PON3: variants seen among roughly 807,000 people sequenced by gnomAD.
PON3 encodes serum paraoxonase/lactonase 3.
PON3 carries 37 observed loss-of-function variants against 36.3 expected under a neutral mutation model. The observed-to-expected ratio is 1.02, with a 90% CI of 0.78 to 1.34. PON3 has a LOEUF of 1.34. Ranked by LOEUF, PON3 falls within the 40% of genes most tolerant of loss-of-function variation. The pLI, the probability that PON3 is intolerant of heterozygous loss-of-function variation, is 0.00. For missense variants in PON3, 415 were observed against 426.5 expected, an observed-to-expected ratio of 0.97 and a Z score of 0.24; for synonymous variants, 155 against 154.8, an observed-to-expected ratio of 1.00 and a Z score of -0.01.
intron 3 of PON3, among the ~76,000 whole-genome samples, chr7:95,380,655 A>G (rs944861629): frequency 2.6e-5 from 4 of 152,214 alleles, no homozygotes; most frequent in African/African-American, 9.6e-5. Flanking sequence ...TTAGAGCAAA[A>G]AGAATAAAAA....
At chr7:95,388,091 G>A (rs999974607) in intron 3 of PON3, among the ~76,000 whole-genome samples, 1 of 148,270 alleles carries the variant, frequency 6.7e-6, no homozygotes, top group African/African-American at 2.5e-5. Context: ...TTCACAAATG[G>A]GATCTAATTA....
At chr7:95,383,247 T>C (rs1809103836) in intron 3 of PON3, among the ~76,000 whole-genome samples, 1 of 152,190 alleles carries the variant, frequency 6.6e-6, no homozygotes, top group Admixed American at 6.5e-5. Context: ...GCCAATATCA[T>C]ACTGAATGGG....
In PON3 at chr7:95,390,089, C is replaced by A. The variant is rs538846639; in HGVS notation, c.201+65G>T. 5.4e-6 allele frequency: 8 copies of A among 1,472,316 alleles called. No individual in the cohort carries two copies. The Admixed American group carries it at 6.7e-5, about 12-fold the overall frequency. The allele number at this position is 1,472,316 out of a possible 1,614,324, so 91.2% of individuals were successfully genotyped here. On this transcript the variant is annotated intron_variant, in intron 3 of 8. Coordinates refer to ENST00000265627, the MANE Select transcript of PON3 (RefSeq NM_000940.3). Reference sequence around the variant, plus strand: ...GGATCCATCTGGCAGCTCCAGAGGACAACATTAATGCACTGTCTATACAGC... The same window carrying A: ...GGATCCATCTGGCAGCTCCAGAGGAAAACATTAATGCACTGTCTATACAGC...
intron 6 of PON3, 39 bp downstream of exon 6, chr7:95,363,824 T>G (rs1302507640): frequency 6.3e-7 from 1 of 1,582,582 alleles, no homozygotes; most frequent in African/African-American, 1.3e-5. Flanking sequence ...CACGAAAATG[T>G]CAAGGGCAAA....
In PON3 at chr7:95,372,159, C is replaced by T. The variant is rs751565421; in HGVS notation, c.367+14G>A. The T allele has an allele frequency of 3.7e-6, 6 of 1,610,842 alleles. No homozygotes were observed. Among genetic ancestry groups the T allele is most frequent in the Non-Finnish European group, 5.1e-6 (6 of 1,177,276 alleles). ...CCCTCATTTCCCCCTTATCCCTAAA[C>T]ATACAGGTTTTACCTTTGTCGATGA... is the stretch of plus-strand genomic sequence containing the variant. On this transcript the variant is annotated intron_variant, in intron 4 of 8. Transcript: ENST00000265627.
chr7:95,387,096 C>T (rs558016575), intron 3 of PON3, among the ~76,000 whole-genome samples: 3 of 152,300 alleles, frequency 2.0e-5, no homozygotes, highest in Admixed American at 2.0e-4. Context: ...TGCCCTCTCT[C>T]ACCACTCCTA....
At position 95,376,223 on chromosome 7, in the gene PON3, C is replaced by T. The variant is rs151177196; in HGVS notation, c.202-3885G>A. ...AAGTAAAGTGCCACCACAATGAACC[C>T]TCACAAAGAAGTGGGAGTTAGCTGG... On this transcript the variant is annotated intron_variant, in intron 3 of 8. Transcript: ENST00000265627. 2.7e-3 allele frequency among the ~76,000 whole-genome samples: 414 copies of T among 152,276 alleles called. 2 individuals carry two copies. The highest frequency in any genetic ancestry group is 9.5e-3 in the African/African-American group (395 of 41,568).
intron 2 of PON3, among the ~76,000 whole-genome samples, chr7:95,393,100 AT>A (rs1809354708): frequency 6.6e-6 from 1 of 152,168 alleles, no homozygotes; most frequent in South Asian, 2.1e-4. Flanking sequence ...AGATTACTTT[AT>A]TTTTTAGAAA....
chr7:95,382,578 T>C lies in PON3; in HGVS notation c.201+7576A>G, dbSNP rs112505885. ...CATCACAGGATACTATAAACACATC[T>C]ATGCAAATAAACTAGAAAATCTAGA... On this transcript the variant is annotated intron_variant, in intron 3 of 8. Coordinates refer to ENST00000265627, the MANE Select transcript of PON3 (RefSeq NM_000940.3). Among the ~76,000 whole-genome samples, 551 of 152,294 alleles carry C rather than the reference T, an allele frequency of 3.6e-3. 4 individuals are homozygous for C. The highest frequency in any genetic ancestry group is 0.014 in the Middle Eastern group (4 of 294).
At chr7:95,363,814 C>T (rs1441710653) in intron 6 of PON3, 49 bp downstream of exon 6, 1 of 1,544,840 alleles carries the variant, frequency 6.5e-7, no homozygotes, top group Admixed American at 1.7e-5. Flanking sequence ...GAAAGGAGTC[C>T]ACGAAAATGT....
chr7:95,362,560 A>G, intron 7 of PON3, 70 bp from the exon 8 acceptor site: 2 of 1,602,848 alleles, frequency 1.2e-6, no homozygotes, highest in Non-Finnish European at 1.7e-6. Context: ...ATTCATCCCC[A>G]CAACCCCTAC....
rs1808826195 is a variant in PON3, at chr7:95,372,337, C to T, written c.203G>A (p.Gly68Glu). The part of the protein sequence containing the change: ...LPSGLAFISS[G>E]LKYPGMPNFA... Reference sequence around the variant, plus strand: ...GTTTGGCATGCCTGGATATTTTAATCCCTTTTAAAAATAAAGAACAAGTGT... The same window carrying T: ...GTTTGGCATGCCTGGATATTTTAATTCCTTTTAAAAATAAAGAACAAGTGT... The change falls in exon 4 of 9, where the codon GGA (glycine) becomes GAA (glutamate). Residue 68 changes from glycine (G) to glutamate (E), a missense_variant and splice_region_variant. Physicochemically the swap from Gly to Glu is moderately conservative, Grantham distance 98. Transcript: ENST00000265627. The T allele has an allele frequency of 6.2e-7, 1 of 1,613,332 alleles. No individual in the cohort carries two copies. The highest frequency in any genetic ancestry group is 1.3e-5 in the African/African-American group (1 of 74,896).
chr7:95,387,699 GC>G (rs1333863959), intron 3 of PON3, among the ~76,000 whole-genome samples: 1 of 152,194 alleles, frequency 6.6e-6, no homozygotes, highest in African/African-American at 2.4e-5. Context: ...AAAGAACAAA[GC>G]TGGAGGCATC....
chr7:95,375,066 C>T (rs1181159838), intron 3 of PON3, among the ~76,000 whole-genome samples: 2 of 151,990 alleles, frequency 1.3e-5, no homozygotes, highest in Non-Finnish European at 2.9e-5. Flanking sequence ...CAACACTCTC[C>T]CCTCGAATCC....
intron 7 of PON3, 74 bp from the exon 8 acceptor site, chr7:95,362,564 C>A: frequency 1.2e-6 from 2 of 1,601,592 alleles, no homozygotes; most frequent in South Asian, 1.1e-5. Flanking sequence ...ATCCCCACAA[C>A]CCCTACAGCT....
intron 2 of PON3, among the ~76,000 whole-genome samples, chr7:95,390,726 A>G (rs1192012154): frequency 6.6e-6 from 1 of 152,218 alleles, no homozygotes; most frequent in East Asian, 1.9e-4. Context: ...TGAATATGAA[A>G]GATTACTGAA....
At chr7:95,366,017 A>AT (rs1356803849) in intron 5 of PON3, 2 of 78,294 alleles carry the variant, frequency 2.6e-5, no homozygotes, top group Admixed American at 3.5e-4. Context: ...ATTTTAACAT[A>AT]TTTTTTGGCA....
chr7:95,391,096 T>C (rs1231331783), intron 2 of PON3, among the ~76,000 whole-genome samples: 1 of 152,232 alleles, frequency 6.6e-6, no homozygotes, highest in Non-Finnish European at 1.5e-5. Flanking sequence ...TCTTTACTCT[T>C]TTCTTCATTT....
intron 8 of PON3, among the ~76,000 whole-genome samples, chr7:95,361,687 G>T (rs767273187): frequency 6.6e-6 from 1 of 151,976 alleles, no homozygotes; most frequent in Non-Finnish European, 1.5e-5. Flanking sequence ...CACATTACAG[G>T]TACTCAATAA....
Sources: gnomAD v4.1 joint callset for allele counts (sites outside exome capture counted in the v4.1 genomes callset) on GRCh38, gnomAD v4.1.1 for gene constraint, MANE v1.5 for transcripts, NCBI Gene and HGNC (gene_info 2026-07-23, HGNC 2026-07-21) for gene names.